CDH20: variants seen among roughly 807,000 people sequenced by gnomAD.
CDH20 encodes the protein cadherin 20.
CDH20 carries 29 observed loss-of-function variants against 74.2 expected under a neutral mutation model. The observed-to-expected ratio is 0.39, with a 90% CI of 0.29 to 0.53. CDH20 has a LOEUF of 0.53. Among genes scored for constraint, CDH20 ranks in the 20% least tolerant of loss-of-function variants. CDH20 has a pLI of 0.69. For missense variants in CDH20, 988 were observed against 1,048.3 expected, an observed-to-expected ratio of 0.94 and a Z score of 0.79; for synonymous variants, 469 against 405.4, an observed-to-expected ratio of 1.16 and a Z score of -1.88.
At chr18:61,498,122 G>A (rs767375023) in intron 2 of CDH20, among the ~76,000 whole-genome samples, 68 of 152,228 alleles carry the variant, frequency 4.5e-4, no homozygotes, top group Non-Finnish European at 3.4e-4. Context: ...TATTCTGGCT[G>A]GGCGTGGTGA....
intron 1 of CDH20, among the ~76,000 whole-genome samples, chr18:61,453,000 T>C: frequency 6.6e-6 from 1 of 152,198 alleles, no homozygotes; most frequent in Non-Finnish European, 1.5e-5. Context: ...TACAGTGAGA[T>C]CCTGACTACC....
At chr18:61,425,040 CCTCTCTCTCTCTCTCTCTCT>C (rs10535853) in intron 1 of CDH20, among the ~76,000 whole-genome samples, 1 of 134,656 alleles carries the variant, frequency 7.4e-6, no homozygotes, top group Non-Finnish European at 1.6e-5. Flanking sequence ...CTTCCCCGCT[CCTCTCTCTCTCTCTCTCTCT>C]CTCTCTCTCT....
chr18:61,545,145 G>C lies in CDH20; in HGVS notation c.1648+1G>C. ...AACTTTACCATAAGGGACAACCAAG[G>C]TAATCAGGTGGATGGTTGGCTATCT... On this transcript the variant is annotated splice_donor_variant, in intron 10 of 11. Transcript: ENST00000262717. LOFTEE classifies it high-confidence loss of function. 6.3e-7 allele frequency: 1 copy of C among 1,581,156 alleles called. No homozygotes were observed. Among genetic ancestry groups the C allele is most frequent in the South Asian group, 1.1e-5 (1 of 90,440 alleles).
At position 61,554,622 on chromosome 18, in the gene CDH20, C is replaced by A; in HGVS notation, c.2333C>A (p.Thr778Lys). 3.1e-6 allele frequency: 5 copies of A among 1,606,066 alleles called. No homozygotes were observed. The African/African-American group carries it at 6.7e-5, about 21-fold the overall frequency. ...TCGGAACAGAGCTTCGACTTCCTGA[C>A]GGACTGGGGGCCCCGCTTCCGGAAG... Reference protein sequence around the residue: ...SDSEQSFDFLTDWGPRFRKLA... With the variant: ...SDSEQSFDFLKDWGPRFRKLA... Residue 778 changes from threonine to lysine, a missense_variant, in exon 12 of 12, where the codon ACG (threonine) becomes AAG (lysine). By Grantham distance (78) the Thr-to-Lys change is moderately conservative. Around this residue, in one of 2 missense-constraint regions of CDH20, gnomAD observed 375 missense variants for 293.1 expected, o/e 1.28. Transcript: ENST00000262717.
intron 1 of CDH20, among the ~76,000 whole-genome samples, chr18:61,384,532 C>T (rs962873945): frequency 2.2e-4 from 34 of 152,096 alleles, no homozygotes; most frequent in African/African-American, 8.0e-4. Context: ...GGTTGCTAGG[C>T]CTTTGTAGCC....
intron 1 of CDH20, among the ~76,000 whole-genome samples, chr18:61,354,470 G>A (rs568752384): frequency 1.3e-4 from 20 of 152,160 alleles, no homozygotes; most frequent in African/African-American, 2.6e-4. Flanking sequence ...TTAGCCGGGC[G>A]TGGTAATAGG....
chr18:61,427,503 G>A (rs1014691437), intron 1 of CDH20, among the ~76,000 whole-genome samples: 4 of 152,026 alleles, frequency 2.6e-5, no homozygotes, highest in East Asian at 1.9e-4. Context: ...AACTACAAAC[G>A]TGGTCTCAAA....
intron 1 of CDH20, among the ~76,000 whole-genome samples, chr18:61,368,263 G>A (rs1910924238): frequency 6.6e-6 from 1 of 152,052 alleles, no homozygotes; most frequent in Non-Finnish European, 1.5e-5. Context: ...TGGGAATAAG[G>A]ATGTGGACAC....
intron 6 of CDH20, among the ~76,000 whole-genome samples, chr18:61,527,516 T>C (rs2144370448): frequency 6.6e-6 from 1 of 152,232 alleles, no homozygotes; most frequent in East Asian, 1.9e-4. Flanking sequence ...CTAAAGATAA[T>C]GTGACCAACC....
chr18:61,514,362 A>C (rs1911902895), intron 6 of CDH20, among the ~76,000 whole-genome samples: 1 of 152,116 alleles, frequency 6.6e-6, no homozygotes, highest in Non-Finnish European at 1.5e-5. Context: ...AGCTCCTTTA[A>C]GCACTTCTCT....
At chr18:61,543,733 T>C (rs1386623591) in intron 9 of CDH20, among the ~76,000 whole-genome samples, 1 of 152,230 alleles carries the variant, frequency 6.6e-6, no homozygotes, top group East Asian at 1.9e-4. Flanking sequence ...TGACTCTCTG[T>C]GACCCATTCC....
Position 61,555,235 on chromosome 18 carries a change from C to G in CDH20, c.*540C>G, listed in dbSNP as rs1032314571. ...TGGGATGGATGGAATTTCCCGTAACCCTTTTGAGACAAGGTTAAGACTGAA... is the reference window on the plus strand; with the variant it reads ...TGGGATGGATGGAATTTCCCGTAACGCTTTTGAGACAAGGTTAAGACTGAA... On this transcript the variant is annotated 3_prime_UTR_variant, in exon 12 of 12. Coordinates refer to ENST00000262717, the MANE Select transcript of CDH20 (RefSeq NM_031891.4). 25 of 967,552 alleles carry G rather than the reference C, an allele frequency of 2.6e-5. No homozygotes were observed. Among genetic ancestry groups the G allele is most frequent in the Non-Finnish European group, 2.9e-5 (24 of 826,734 alleles). 59.9% of individuals were successfully genotyped at this position (967,552 alleles called of 1,614,324 possible). A position where few individuals can be genotyped will look rare whatever the true frequency, so the allele number is the denominator to read the frequency against.
At chr18:61,532,508 ACTGTATACATGTGTGTATTGTATG>A (rs1912678666) in intron 7 of CDH20, among the ~76,000 whole-genome samples, 1 of 147,722 alleles carries the variant, frequency 6.8e-6, no homozygotes, top group South Asian at 2.2e-4. Flanking sequence ...TATATGCACA[ACTGTATACATGTGTGTATTGTATG>A]TATATATATA....
intron 1 of CDH20, among the ~76,000 whole-genome samples, chr18:61,362,480 G>A (rs1011159342): frequency 7.9e-5 from 12 of 152,092 alleles, no homozygotes; most frequent in Admixed American, 2.6e-4. Flanking sequence ...CAGAATTGAG[G>A]ATACAAACAA....
intron 1 of CDH20, among the ~76,000 whole-genome samples, chr18:61,396,053 T>TGTGTGTGTGTGTGTGTGTGTGTGTG (rs1568123818): frequency 4.9e-5 from 7 of 142,748 alleles, no homozygotes; most frequent in Admixed American, 1.4e-4. Context: ...GTGTGTGTGT[T>TGTGTGTGTGTGTGTGTGTGTGTGTG]TGTGTGTGTG....
At chr18:61,423,897 T>C (rs1912977955) in intron 1 of CDH20, among the ~76,000 whole-genome samples, 1 of 152,236 alleles carries the variant, frequency 6.6e-6, no homozygotes, top group South Asian at 2.1e-4. Context: ...GAGACAATGA[T>C]ATCATTTTCA....
intron 1 of CDH20, among the ~76,000 whole-genome samples, chr18:61,429,243 T>A (rs1913173848): frequency 6.6e-6 from 1 of 152,176 alleles, no homozygotes; most frequent in Non-Finnish European, 1.5e-5. Flanking sequence ...AATTCACATG[T>A]CTTTAGACTT....
chr18:61,508,655 G>A (rs191456207), intron 6 of CDH20, among the ~76,000 whole-genome samples: 28 of 151,506 alleles, frequency 1.8e-4, no homozygotes, highest in Admixed American at 9.9e-4. Flanking sequence ...TTTCATGTTC[G>A]AGACAGAGTC....
chr18:61,406,641 G>A (rs1297420937), intron 1 of CDH20, among the ~76,000 whole-genome samples: 2 of 152,244 alleles, frequency 1.3e-5, no homozygotes, highest in African/African-American at 4.8e-5. Flanking sequence ...GGCTTCCTTA[G>A]ACAGGGTGGT....
Sources: gnomAD v4.1 joint callset for allele counts (sites outside exome capture counted in the v4.1 genomes callset) on GRCh38, gnomAD v4.1.1 for gene constraint, gnomAD v4.1.1 regional missense constraint, MANE v1.5 for transcripts, NCBI Gene and HGNC (gene_info 2026-07-23, HGNC 2026-07-21) for gene names.